The following SOX6 variants were observed in gnomAD, a reference collection of about 807,000 sequenced individuals.
SOX6 encodes transcription factor SOX-6.
SOX6 carries 11 observed loss-of-function variants against 97.8 expected under a neutral mutation model. The observed-to-expected ratio is 0.11, with a 90% CI of 0.07 to 0.19. The LOEUF (loss-of-function observed/expected upper bound fraction) is 0.19. Ranked by LOEUF, SOX6 falls within the 10% of genes least tolerant of loss-of-function variation. The pLI is 1.00. For missense variants in SOX6, 810 were observed against 1,039.5 expected, an observed-to-expected ratio of 0.78 and a Z score of 3.04; for synonymous variants, 360 against 371.4, an observed-to-expected ratio of 0.97 and a Z score of 0.35.
chr11:16,132,281 A>G (rs558557863), intron 6 of SOX6, among the ~76,000 whole-genome samples: 12 of 54,974 alleles, frequency 2.2e-4, no homozygotes, highest in Non-Finnish European at 3.9e-4. Context: ...GAAGGAAGGA[A>G]GGAAGGAAGG....
Position 16,198,174 on chromosome 11 carries a change from C to T in SOX6, c.536-11219G>A, listed in dbSNP as rs546055782. 3.4e-4 allele frequency among the ~76,000 whole-genome samples: 52 copies of T among 151,880 alleles called. 1 individual carries two copies. The South Asian group carries it at 6.2e-3, about 18-fold the overall frequency. On this transcript the variant is annotated intron_variant, in intron 4 of 15. Transcript: ENST00000683767. Reference sequence around the variant, plus strand: ...GCTCAAGCAATTCTCCTGCATCAGCCTCCCGAGTAGCTGGGATTACAGGCG... The same window carrying T: ...GCTCAAGCAATTCTCCTGCATCAGCTTCCCGAGTAGCTGGGATTACAGGCG...
At chr11:16,467,765 C>T (rs752371743) in intron 1 of SOX6, among the ~76,000 whole-genome samples, 1 of 152,066 alleles carries the variant, frequency 6.6e-6, no homozygotes, top group East Asian at 1.9e-4. Context: ...ATAAACCCTG[C>T]ACATGTACCC....
intron 1 of SOX6, among the ~76,000 whole-genome samples, chr11:16,361,617 A>G (rs1359001068): frequency 6.6e-6 from 1 of 152,174 alleles, no homozygotes; most frequent in Non-Finnish European, 1.5e-5. Flanking sequence ...GTGAGCAACC[A>G]TTGTTAAGCA....
At chr11:16,587,570 A>G (rs894213642) in intron 4 of SOX6, among the ~76,000 whole-genome samples, 1 of 152,224 alleles carries the variant, frequency 6.6e-6, no homozygotes, top group African/African-American at 2.4e-5. Flanking sequence ...CAGTTCATTA[A>G]CCAATATTAT....
chr11:16,342,681 C>T (rs1222014242), intron 1 of SOX6, among the ~76,000 whole-genome samples: 1 of 151,794 alleles, frequency 6.6e-6, no homozygotes, highest in African/African-American at 2.4e-5. Context: ...TATGTAGCAG[C>T]CCATGTTTCA....
At chr11:16,455,977 T>C (rs996098963) in intron 1 of SOX6, among the ~76,000 whole-genome samples, 1 of 152,070 alleles carries the variant, frequency 6.6e-6, no homozygotes. Context: ...AACTTTTTAA[T>C]GAATGGGCAA....
At chr11:16,642,489 G>A (rs145524464) in intron 3 of SOX6, among the ~76,000 whole-genome samples, 12 of 152,236 alleles carry the variant, frequency 7.9e-5, no homozygotes, top group Admixed American at 1.3e-4. Flanking sequence ...AGACGTTCTC[G>A]TGGATAATAT....
chr11:16,479,847 G>A (rs968636473), upstream of SOX6, among the ~76,000 whole-genome samples: 2 of 151,790 alleles, frequency 1.3e-5, no homozygotes, highest in African/African-American at 2.4e-5. Context: ...AGATTTCAAC[G>A]CTACTTTCAA....
intron 1 of SOX6, among the ~76,000 whole-genome samples, chr11:16,424,809 A>G (rs1404535829): frequency 6.6e-6 from 1 of 152,232 alleles, no homozygotes; most frequent in African/African-American, 2.4e-5. Context: ...GTGTCCCACA[A>G]GCCATATGGC....
At chr11:16,402,661 C>A in intron 1 of SOX6, 1 of 1,610,946 alleles carries the variant, frequency 6.2e-7, no homozygotes, top group Non-Finnish European at 8.5e-7. Flanking sequence ...TCTCTTACCC[C>A]ATTTTTCTTC....
chr11:16,037,888 C>T (rs1855559352), intron 12 of SOX6, among the ~76,000 whole-genome samples: 1 of 152,192 alleles, frequency 6.6e-6, no homozygotes, highest in Admixed American at 6.5e-5. Flanking sequence ...TGACAACCAT[C>T]TCTTTCAGCC....
chr11:16,323,828 A>C (rs1855993485), intron 2 of SOX6, among the ~76,000 whole-genome samples: 1 of 152,144 alleles, frequency 6.6e-6, no homozygotes, highest in Non-Finnish European at 1.5e-5. Flanking sequence ...CTTCCAGAGC[A>C]TACAACAAAA....
At chr11:16,597,690 C>T (rs1276331877) in intron 4 of SOX6, among the ~76,000 whole-genome samples, 1 of 151,726 alleles carries the variant, frequency 6.6e-6, no homozygotes, top group Non-Finnish European at 1.5e-5. Context: ...ATATATATAA[C>T]CAAAGATTAT....
intron 3 of SOX6, among the ~76,000 whole-genome samples, chr11:16,301,683 A>G (rs1052692236): frequency 6.6e-6 from 1 of 152,176 alleles, no homozygotes; most frequent in Non-Finnish European, 1.5e-5. Context: ...TTATATGAAT[A>G]GAATGATAGA....
chr11:16,568,413 A>C (rs1345051573), intron 4 of SOX6, among the ~76,000 whole-genome samples: 3 of 152,228 alleles, frequency 2.0e-5, no homozygotes, highest in Non-Finnish European at 2.9e-5. Flanking sequence ...ACAGAGACAG[A>C]AAGCAGATTT....
intron 12 of SOX6, among the ~76,000 whole-genome samples, chr11:16,043,067 T>C (rs117709243): frequency 1.3e-5 from 2 of 152,196 alleles, no homozygotes; most frequent in Non-Finnish European, 1.5e-5. Flanking sequence ...CTGCCTTGCA[T>C]GTCTTCTTGC....
chr11:16,451,875 A>AT (rs1166794772), intron 1 of SOX6, among the ~76,000 whole-genome samples: 5 of 151,894 alleles, frequency 3.3e-5, no homozygotes, highest in East Asian at 1.9e-4. Context: ...TCAAAAAAAA[A>AT]TTTTTTTAAT....
chr11:16,435,133 C>T (rs11023943), intron 1 of SOX6, among the ~76,000 whole-genome samples: 28,197 of 151,944 alleles, frequency 0.19, 2,986 homozygotes, highest in Admixed American at 0.31. Context: ...AAGAAAATAA[C>T]TATTGATTAA....
At chr11:16,275,726 C>T (rs1008643313) in intron 3 of SOX6, among the ~76,000 whole-genome samples, 7 of 152,270 alleles carry the variant, frequency 4.6e-5, no homozygotes, top group African/African-American at 1.7e-4. Context: ...TAGCAACTTA[C>T]ACATAGAAAC....
Sources: gnomAD v4.1 joint callset for allele counts (sites outside exome capture counted in the v4.1 genomes callset) on GRCh38, gnomAD v4.1.1 for gene constraint, MANE v1.5 for transcripts, NCBI Gene and HGNC (gene_info 2026-07-23, HGNC 2026-07-21) for gene names.